SASH1: variants seen among roughly 807,000 people sequenced by gnomAD.
The protein encoded by SASH1 is SAM and SH3 domain containing 1, also known as SAM and SH3 domain-containing protein 1.
In SASH1, 44 loss-of-function variants were observed where a neutral mutation model predicts 125.2. That is an observed-to-expected ratio of 0.35 (90% CI 0.28 to 0.45). The LOEUF (loss-of-function observed/expected upper bound fraction) is 0.45. SASH1 is among the 20% of genes least tolerant of loss of function. The pLI, the probability that SASH1 is intolerant of heterozygous loss-of-function variation, is 1.00. For synonymous variants in SASH1, 639 were observed against 649.1 expected, an observed-to-expected ratio of 0.98 and a Z score of 0.24; for missense variants, 1,426 against 1,614.5, an observed-to-expected ratio of 0.88 and a Z score of 2.00.
intron 1 of SASH1, among the ~76,000 whole-genome samples, chr6:148,313,071 T>G (rs777075686): frequency 1.3e-5 from 2 of 152,186 alleles, no homozygotes; most frequent in Non-Finnish European, 2.9e-5. Context: ...TAGGAGTTAG[T>G]GGCAGAGAGA....
chr6:148,381,621 T>C (rs1184315126), intron 1 of SASH1, among the ~76,000 whole-genome samples: 2 of 105,612 alleles, frequency 1.9e-5, no homozygotes, highest in Non-Finnish European at 3.6e-5. Context: ...TGCTTTCTTT[T>C]TTTTTTTTTT....
intron 8 of SASH1, among the ~76,000 whole-genome samples, chr6:148,488,877 C>T: frequency 6.6e-6 from 1 of 152,172 alleles, no homozygotes; most frequent in East Asian, 1.9e-4. Flanking sequence ...ATATTAATCC[C>T]TTATCAGATA....
chr6:148,216,013 A>G, the SASH1 span, among the ~76,000 whole-genome samples: 1 of 152,004 alleles, frequency 6.6e-6, no homozygotes, highest in African/African-American at 2.4e-5. Context: ...GCCCGCCACC[A>G]CACCCAGCTA....
At chr6:148,293,078 A>C (rs1582925468) in intron 1 of SASH1, among the ~76,000 whole-genome samples, 1 of 152,110 alleles carries the variant, frequency 6.6e-6, no homozygotes, top group East Asian at 1.9e-4. Flanking sequence ...GGTCTATGTG[A>C]ATCAACAGCA....
chr6:148,543,587 T>C, intron 17 of SASH1, 93 bp from the exon 18 acceptor site: 1 of 1,070,064 alleles, frequency 9.3e-7, no homozygotes, highest in East Asian at 2.4e-5. Flanking sequence ...GATGTGGGTG[T>C]TGGAGATTTC....
At chr6:148,444,068 C>T (rs1214738787) in intron 4 of SASH1, among the ~76,000 whole-genome samples, 4 of 152,130 alleles carry the variant, frequency 2.6e-5, no homozygotes, top group African/African-American at 9.7e-5. Context: ...CCTGCAGGGG[C>T]CCACCCTTAG....
the SASH1 span, among the ~76,000 whole-genome samples, chr6:148,205,368 A>G: frequency 6.6e-6 from 1 of 152,134 alleles, no homozygotes. Context: ...TTCAGGGTGC[A>G]TTAGATAATT....
the SASH1 span, among the ~76,000 whole-genome samples, chr6:148,211,354 T>G: frequency 6.6e-6 from 1 of 152,174 alleles, no homozygotes; most frequent in Admixed American, 6.5e-5. Flanking sequence ...GGGGATCACC[T>G]GAGGTCAGGA....
intron 1 of SASH1, among the ~76,000 whole-genome samples, chr6:148,319,878 A>T (rs947739057): frequency 3.3e-5 from 5 of 152,152 alleles, no homozygotes; most frequent in Admixed American, 6.6e-5. Context: ...GCTGTCCAGC[A>T]ACATCCCTCC....
intron 4 of SASH1, among the ~76,000 whole-genome samples, chr6:148,456,005 A>G (rs980593979): frequency 1.3e-5 from 2 of 152,112 alleles, no homozygotes; most frequent in Non-Finnish European, 2.9e-5. Context: ...ACATCCCTCC[A>G]GGGTCCTCTG....
Position 148,533,123 on chromosome 6 carries a change from GAAC to G in SASH1, c.1734+160_1734+162del, listed in dbSNP as rs1293228115. Among the ~76,000 whole-genome samples the G allele has an allele frequency of 6.6e-6, 1 of 152,132 alleles. No individual in the cohort carries two copies. Among genetic ancestry groups the G allele is most frequent in the Non-Finnish European group, 1.5e-5 (1 of 68,022 alleles). The stretch of plus-strand genomic sequence containing the variant: ...CTGGTCTCCTCTGTAGTGAAAAACA[GAAC>G]AAGAACCAGCCAGCCCTCGAGGCAG... On this transcript the variant is annotated intron_variant, in intron 14 of 19. Coordinates refer to ENST00000367467, the MANE Select transcript of SASH1 (RefSeq NM_015278.5). The surrounding 1 kb of genome is among the most constrained non-coding windows in gnomAD (Gnocchi z 6.2).
chr6:148,379,222 C>G (rs906628179), intron 1 of SASH1, among the ~76,000 whole-genome samples: 5 of 152,184 alleles, frequency 3.3e-5, no homozygotes, highest in African/African-American at 1.2e-4. Flanking sequence ...TTCTTCCTGT[C>G]TCTCCAGTCC....
In SASH1 at chr6:148,334,046, T is replaced by G. The variant is rs568145134; in HGVS notation, n.75-56088T>G. Among the ~76,000 whole-genome samples the G allele has an allele frequency of 2.5e-4, 38 of 150,418 alleles. No individual in the cohort carries two copies. The South Asian group carries it at 7.5e-3, about 30-fold the overall frequency. ...ACCGTGTTAGCCAGGATGGTCTCGA[T>G]CTGCTGACCTCGTGATCCGCCTGCC... On this transcript the variant is annotated intron_variant and non_coding_transcript_variant, in intron 1 of 3. Transcript: ENST00000367469.
intron 4 of SASH1, among the ~76,000 whole-genome samples, chr6:148,444,598 C>G (rs944188480): frequency 1.3e-5 from 2 of 152,192 alleles, no homozygotes; most frequent in Admixed American, 1.3e-4. Context: ...TATCTGGTCT[C>G]TCCATATGCT....
At chr6:148,446,112 T>TCTTTTTTTTCTTTTTTTTC (rs1562416481) in intron 4 of SASH1, among the ~76,000 whole-genome samples, 2 of 46,954 alleles carry the variant, frequency 4.3e-5, no homozygotes, top group Admixed American at 1.9e-4. Flanking sequence ...TTTTTTTTTT[T>TCTTTTTTTTCTTTTTTTTC]TTTTTTTTTT....
At chr6:148,301,325 TCAA>T (rs766579377) in intron 1 of SASH1, among the ~76,000 whole-genome samples, 1 of 53,848 alleles carries the variant, frequency 1.9e-5, no homozygotes. Context: ...AAACTCCATC[TCAA>T]AAAAAAAAAA....
At chr6:148,467,390 T>G (rs1458626200) in intron 4 of SASH1, among the ~76,000 whole-genome samples, 1 of 152,146 alleles carries the variant, frequency 6.6e-6, no homozygotes, top group African/African-American at 2.4e-5. Context: ...TCTTTGGCTT[T>G]CCCGCTTTCT....
chr6:148,295,503 A>G (rs532477674), intron 1 of SASH1, among the ~76,000 whole-genome samples: 135 of 152,320 alleles, frequency 8.9e-4, no homozygotes, highest in Non-Finnish European at 1.7e-3. Flanking sequence ...TTCTTAACTC[A>G]GCTTCTTCTC....
chr6:148,404,793 C>T (rs1784312556), intron 2 of SASH1, among the ~76,000 whole-genome samples: 1 of 109,032 alleles, frequency 9.2e-6, no homozygotes, highest in Admixed American at 9.6e-5. Context: ...AGTCCCCAGT[C>T]CCCCTCCAAC....
Sources: allele counts gnomAD v4.1 joint callset (sites outside exome capture counted in the v4.1 genomes callset), GRCh38; gene constraint gnomAD v4.1.1; non-coding constraint Gnocchi (gnomAD v3.1); transcripts MANE v1.5; gene names NCBI Gene and HGNC (gene_info 2026-07-23, HGNC 2026-07-21).